BAZ2B: variants seen among roughly 807,000 people sequenced by gnomAD.
BAZ2B encodes bromodomain adjacent to zinc finger domain 2B.
In BAZ2B, 91 loss-of-function variants were observed where a neutral mutation model predicts 246.0. That is an observed-to-expected ratio of 0.37 (90% confidence interval 0.31 to 0.44). BAZ2B has a LOEUF of 0.44. Ranked by LOEUF, BAZ2B falls within the 20% of genes least tolerant of loss-of-function variation. BAZ2B has a pLI of 1.00. For synonymous variants in BAZ2B, 855 were observed against 860.0 expected (o/e 0.99, Z 0.10); for missense variants, 2,332 against 2,533.7 (o/e 0.92, Z 1.71).
At chr2:159,680,604 G>A in the BAZ2B span, among the ~76,000 whole-genome samples, 5 of 152,214 alleles carry the variant, frequency 3.3e-5, no homozygotes, top group Non-Finnish European at 7.3e-5. Flanking sequence ...GACAGCAGCT[G>A]AAAATTCAGC....
chr2:159,646,569 CAG>C, the BAZ2B span, among the ~76,000 whole-genome samples: 1 of 152,018 alleles, frequency 6.6e-6, no homozygotes, highest in Non-Finnish European at 1.5e-5. Context: ...AATTTATGTT[CAG>C]AGATTGCAGT....
chr2:159,708,477 C>G, the BAZ2B span, among the ~76,000 whole-genome samples: 1 of 151,986 alleles, frequency 6.6e-6, no homozygotes, highest in African/African-American at 2.4e-5. Flanking sequence ...AGCCTGTAAG[C>G]TTAGATGTAA....
chr2:159,587,174 G>C (rs1435742900), intron 1 of BAZ2B, among the ~76,000 whole-genome samples: 1 of 151,932 alleles, frequency 6.6e-6, no homozygotes, highest in East Asian at 1.9e-4. Context: ...CACCTCCCGG[G>C]TTCACGCCAT....
At position 159,412,380 on chromosome 2, in the gene BAZ2B, G is replaced by A; in HGVS notation, c.2632C>T (p.Leu878=). The change falls in exon 14 of 37, where the codon CTA becomes TTA. Residue 878 remains leucine (L), a synonymous_variant. Coordinates refer to ENST00000392783, the MANE Select transcript of BAZ2B (RefSeq NM_013450.4). The part of the protein sequence containing the change: ...RPPNVGNAEF[L]DNADAKLLRK... ...AGCAACTTTGCATCTGCGTTATCTA[G>A]GAATTCAGCATTGCCAACATTTGGA... 3 of 1,614,058 alleles carry A rather than the reference G, an allele frequency of 1.9e-6. No individual in the cohort carries two copies. The highest frequency in any genetic ancestry group is 2.5e-6 in the Non-Finnish European group (3 of 1,180,006).
intron 28 of BAZ2B, 32 bp from the exon 29 acceptor site, chr2:159,349,312 T>TGC (rs2058310939): frequency 6.5e-7 from 1 of 1,543,928 alleles, no homozygotes; most frequent in Admixed American, 2.0e-5. Flanking sequence ...TAATGAAAAG[T>TGC]AGATTACTCT....
At chr2:159,638,053 C>G in the BAZ2B span, among the ~76,000 whole-genome samples, 2 of 152,230 alleles carry the variant, frequency 1.3e-5, no homozygotes, top group African/African-American at 4.8e-5. Flanking sequence ...CACCATACCC[C>G]CAGTTCCAGG....
In BAZ2B at chr2:159,405,051, C is replaced by T. The variant is rs752360920; in HGVS notation, c.2741G>A (p.Arg914Gln). Residue 914 changes from arginine (R) to glutamine (Q), a missense_variant, in exon 15 of 37, where the codon CGG becomes CAG. Physicochemically the swap from Arg to Gln is conservative, Grantham distance 43. Around this residue, in one of 9 missense-constraint regions of BAZ2B, gnomAD observed 651 missense variants for 650.9 expected, o/e 1.00. Coordinates refer to ENST00000392783, the MANE Select transcript of BAZ2B (RefSeq NM_013450.4). ...TTGTTTTTTGGCTTCTTTAGCAACC[C>T]GAGCCTGTTCCTGCTTTTGAAGTTT... ...LRKLQKQEQA[R>Q]VAKEAKKQQA... 1.5e-5 allele frequency: 25 copies of T among 1,613,868 alleles called. No individual in the cohort carries two copies. Among genetic ancestry groups the T allele is most frequent in the South Asian group, 7.7e-5 (7 of 91,072 alleles).
At chr2:159,563,670 AAGG>A (rs1415580345) in intron 1 of BAZ2B, among the ~76,000 whole-genome samples, 2 of 152,176 alleles carry the variant, frequency 1.3e-5, no homozygotes, top group Non-Finnish European at 2.9e-5. Context: ...GGACTAGGGG[AAGG>A]AGGAGTGGAA....
At chr2:159,580,980 A>G (rs1355145984) in intron 1 of BAZ2B, among the ~76,000 whole-genome samples, 1 of 152,166 alleles carries the variant, frequency 6.6e-6, no homozygotes, top group Non-Finnish European at 1.5e-5. Context: ...GAAAACCTAG[A>G]CAATACCATT....
intron 2 of BAZ2B, among the ~76,000 whole-genome samples, chr2:159,488,799 G>A (rs543884678): frequency 1.3e-5 from 2 of 152,008 alleles, no homozygotes; most frequent in Admixed American, 6.5e-5. Context: ...ATTTTACAGA[G>A]GTAAAATCTA....
chr2:159,614,506 A>G (rs546498915), intron 1 of BAZ2B, among the ~76,000 whole-genome samples: 2 of 152,270 alleles, frequency 1.3e-5, no homozygotes, highest in South Asian at 4.1e-4. Context: ...GAGCCAGATA[A>G]TCTAAAATAA....
At chr2:159,481,820 T>C (rs2079267086) in intron 2 of BAZ2B, among the ~76,000 whole-genome samples, 1 of 150,038 alleles carries the variant, frequency 6.7e-6, no homozygotes, top group Non-Finnish European at 1.5e-5. Context: ...TTGCCATAGG[T>C]TGGAGACTAA....
chr2:159,542,628 T>A (rs1559733060), intron 2 of BAZ2B, among the ~76,000 whole-genome samples: 1 of 151,750 alleles, frequency 6.6e-6, no homozygotes, highest in Non-Finnish European at 1.5e-5. Flanking sequence ...GAGAGTAAGA[T>A]CCTGTCTCTA....
the BAZ2B span, among the ~76,000 whole-genome samples, chr2:159,671,741 T>C: frequency 6.6e-6 from 1 of 152,196 alleles, no homozygotes; most frequent in Non-Finnish European, 1.5e-5. Flanking sequence ...ACACTAGAGA[T>C]GCTTAAGCTA....
At chr2:159,600,008 T>G (rs551615044) in intron 1 of BAZ2B, among the ~76,000 whole-genome samples, 1 of 150,988 alleles carries the variant, frequency 6.6e-6, no homozygotes, top group Non-Finnish European at 1.5e-5. Context: ...GGTACTATAG[T>G]AGGTAAAATC....
intron 2 of BAZ2B, among the ~76,000 whole-genome samples, chr2:159,502,429 A>G (rs1468384862): frequency 1.3e-5 from 2 of 151,028 alleles, no homozygotes; most frequent in South Asian, 4.2e-4. Context: ...ATTCAAGACC[A>G]GCCTGGGCAA....
At chr2:159,510,173 T>C (rs531034584) in intron 2 of BAZ2B, among the ~76,000 whole-genome samples, 1 of 152,192 alleles carries the variant, frequency 6.6e-6, no homozygotes, top group South Asian at 2.1e-4. Flanking sequence ...GGGAAGTTAC[T>C]GCTTTTTTTT....
chr2:159,520,439 C>T (rs576934980), intron 2 of BAZ2B, among the ~76,000 whole-genome samples: 1 of 152,214 alleles, frequency 6.6e-6, no homozygotes, highest in South Asian at 2.1e-4. Context: ...CATAATTTAG[C>T]TATATATTAC....
At chr2:159,315,585 C>T (rs1355078228), downstream of BAZ2B, among the ~76,000 whole-genome samples, 2 of 152,042 alleles carry the variant, frequency 1.3e-5, no homozygotes, top group Admixed American at 6.5e-5. Context: ...CTGGTTTTGC[C>T]GAGAACAAGT....
Sources: allele counts gnomAD v4.1 joint callset (sites outside exome capture counted in the v4.1 genomes callset), GRCh38; gene constraint gnomAD v4.1.1; regional missense constraint gnomAD v4.1.1; transcripts MANE v1.5; gene names NCBI Gene and HGNC (gene_info 2026-07-23, HGNC 2026-07-21).